The following CD44 variants were observed in gnomAD, a reference collection of about 807,000 sequenced individuals.
CD44 encodes the protein CD44 molecule (IN blood group).
A neutral mutation model predicts 88.8 loss-of-function variants in CD44; 49 were observed. The ratio of observed to expected loss-of-function variants is 0.55; its 90% confidence interval spans 0.44 to 0.70. CD44 has a LOEUF of 0.70. Among genes scored for constraint, CD44 ranks in the 30% least tolerant of loss-of-function variants. The pLI, the probability that CD44 is intolerant of heterozygous loss-of-function variation, is 0.00. For synonymous variants in CD44, 325 were observed against 312.3 expected (o/e 1.04, Z -0.43); for missense variants, 883 against 913.8 (o/e 0.97, Z 0.43).
At chr11:35,212,925 G>A (rs925393803) in intron 14 of CD44, 1 of 152,462 alleles carries the variant, frequency 6.6e-6, no homozygotes, top group African/African-American at 2.4e-5. Flanking sequence ...CCGGGTTCAA[G>A]CGATTCTCTT....
intron 17 of CD44, among the ~76,000 whole-genome samples, chr11:35,224,393 G>A (rs544724140): frequency 6.6e-6 from 1 of 152,288 alleles, no homozygotes; most frequent in African/African-American, 2.4e-5. Context: ...TTAGGAGTCA[G>A]TTGGGTTGAT....
At chr11:35,207,209 G>A (rs1947952946) in intron 11 of CD44, among the ~76,000 whole-genome samples, 1 of 152,208 alleles carries the variant, frequency 6.6e-6, no homozygotes, top group Non-Finnish European at 1.5e-5. Context: ...TAATATTTTA[G>A]TGTTGAATAT....
Position 35,180,498 on chromosome 11 carries a change from A to G in CD44, c.367+91A>G, listed in dbSNP as rs1050745331. 8.0e-6 allele frequency: 11 copies of G among 1,381,784 alleles called. No individual in the cohort carries two copies. The African/African-American group carries it at 1.1e-4, about 14-fold the overall frequency. 85.6% of individuals were successfully genotyped at this position (1,381,784 alleles called of 1,614,324 possible). A position where few individuals can be genotyped will look rare whatever the true frequency, so the allele number is the denominator to read the frequency against. On this transcript the variant is annotated intron_variant, in intron 3 of 17. Transcript: ENST00000428726. ...TTAAGTGGGGATTCATGTAGCCTCCATTTACATAACAAATGCTCACTGAAT... is the reference window on the plus strand; with the variant it reads ...TTAAGTGGGGATTCATGTAGCCTCCGTTTACATAACAAATGCTCACTGAAT...
At chr11:35,150,814 G>A (rs74328559) in intron 1 of CD44, among the ~76,000 whole-genome samples, 6,253 of 152,300 alleles carry the variant, frequency 0.041, 226 homozygotes, top group Admixed American at 0.11. Flanking sequence ...CAGGGTGACT[G>A]TGGGCAAGGT....
At chr11:35,210,096 A>T (rs1179397811) in intron 13 of CD44, 42 bp downstream of exon 13, 1 of 1,139,936 alleles carries the variant, frequency 8.8e-7, no homozygotes, top group Non-Finnish European at 1.3e-6. Context: ...TATTGATAAG[A>T]ATCAATCAAT....
chr11:35,173,329 GTAGATTGACAGTT>G, intron 1 of CD44, among the ~76,000 whole-genome samples: 1 of 152,352 alleles, frequency 6.6e-6, no homozygotes, highest in East Asian at 1.9e-4. Flanking sequence ...GGTCTGTCAT[GTAGATTGACAGTT>G]TCCTTTTGTA....
chr11:35,222,976 G>A, intron 17 of CD44: 1 of 985,304 alleles, frequency 1.0e-6, no homozygotes, highest in East Asian at 1.1e-4. Flanking sequence ...CCAACACCAT[G>A]GGCAGCCCAT....
chr11:35,226,530 T>C (rs574194550), intron 17 of CD44, among the ~76,000 whole-genome samples: 1 of 152,352 alleles, frequency 6.6e-6, no homozygotes, highest in South Asian at 2.1e-4. Context: ...TCATTTCATA[T>C]GGCTTTTGTT....
At chr11:35,162,130 T>C (rs1207573546) in intron 1 of CD44, among the ~76,000 whole-genome samples, 1 of 152,228 alleles carries the variant, frequency 6.6e-6, no homozygotes, top group African/African-American at 2.4e-5. Flanking sequence ...CCCAAGATTG[T>C]ATCTGGCTTG....
rs138135425 is a variant in CD44 at position 35,206,668 on chromosome 11, G to GAGC, written c.1414+425_1414+426insAGC. 8.3e-3 allele frequency among the ~76,000 whole-genome samples: 1,023 copies of GAGC among 123,876 alleles called. 25 individuals carry two copies. The highest frequency in any genetic ancestry group is 0.038 in the African/African-American group (962 of 25,352). The allele number at this position is 123,876 out of a possible 152,430, so 81.3% of individuals were successfully genotyped here. A position where few individuals can be genotyped will look rare whatever the true frequency, so the allele number is the denominator to read the frequency against. On this transcript the variant is annotated intron_variant, in intron 11 of 17. Coordinates refer to ENST00000428726, the MANE Select transcript of CD44 (RefSeq NM_000610.4). ...GAAAGGAAGTGGGTGGTGGGGGTTG[G>GAGC]TGGGGGGGGCAGTTTTCCTAAGAAG... is the stretch of plus-strand genomic sequence containing the variant.
intron 1 of CD44, among the ~76,000 whole-genome samples, chr11:35,140,004 G>A (rs1254897914): frequency 1.3e-5 from 2 of 152,230 alleles, no homozygotes; most frequent in Non-Finnish European, 2.9e-5. Context: ...GTCTCCATGA[G>A]ATTCCAGCCT....
chr11:35,180,556 A>G lies in CD44; in HGVS notation c.367+149A>G, dbSNP rs373264294. On this transcript the variant is annotated intron_variant, in intron 3 of 17. Transcript: ENST00000428726. ...CAGCAGAGCCAACATTCCTGTCTCCATGGAGCTTACATGCTAAATTGGGGA... is the reference window on the plus strand; with the variant it reads ...CAGCAGAGCCAACATTCCTGTCTCCGTGGAGCTTACATGCTAAATTGGGGA... 1,357 of 839,254 alleles carry G rather than the reference A, an allele frequency of 1.6e-3. 32 individuals are homozygous for G. In the South Asian group the frequency reaches 0.022, roughly 14 times the overall value. 52.0% of individuals were successfully genotyped at this position (839,254 alleles called of 1,614,324 possible).
chr11:35,195,571 GA>G (rs59613730), intron 5 of CD44, among the ~76,000 whole-genome samples: 6 of 150,880 alleles, frequency 4.0e-5, no homozygotes, highest in African/African-American at 9.7e-5. Context: ...CTTGATAGCT[GA>G]AAAAAAAATC....
chr11:35,201,580 T>G, intron 8 of CD44, 91 bp from the exon 9 acceptor site: 1 of 1,507,222 alleles, frequency 6.6e-7, no homozygotes, highest in Middle Eastern at 1.7e-4. Context: ...TGGCATAGAA[T>G]TGTTAAATAG....
intron 1 of CD44, among the ~76,000 whole-genome samples, chr11:35,149,796 G>C (rs1265284942): frequency 6.6e-6 from 1 of 152,164 alleles, no homozygotes; most frequent in African/African-American, 2.4e-5. Context: ...TGCCTGATTT[G>C]TATTAAATGT....
At chr11:35,223,967 G>A (rs1949508215) in intron 17 of CD44, among the ~76,000 whole-genome samples, 2 of 152,248 alleles carry the variant, frequency 1.3e-5, no homozygotes, top group East Asian at 1.9e-4. Flanking sequence ...ACCAGCCCTG[G>A]CAAGGAGAAA....
chr11:35,169,232 T>C (rs567380420), intron 1 of CD44, among the ~76,000 whole-genome samples: 54 of 152,262 alleles, frequency 3.5e-4, no homozygotes, highest in Admixed American at 9.2e-4. Context: ...GGGAATATAA[T>C]TGTGAAGAAG....
chr11:35,161,270 G>A (rs376419998), intron 1 of CD44, among the ~76,000 whole-genome samples: 3 of 152,080 alleles, frequency 2.0e-5, no homozygotes, highest in South Asian at 2.1e-4. Context: ...CATAAGGAAG[G>A]CATTACTTTT....
chr11:35,150,746 G>C (rs1340063361), intron 1 of CD44, among the ~76,000 whole-genome samples: 6 of 152,180 alleles, frequency 3.9e-5, no homozygotes, highest in Non-Finnish European at 7.3e-5. Context: ...TACAGACACA[G>C]TATTCTAGGA....
Sources: allele counts gnomAD v4.1 joint callset (sites outside exome capture counted in the v4.1 genomes callset), GRCh38; gene constraint gnomAD v4.1.1; transcripts MANE v1.5; gene names NCBI Gene and HGNC (gene_info 2026-07-23, HGNC 2026-07-21).